The following PHF2 variants were observed in gnomAD, a reference collection of about 807,000 sequenced individuals.
The protein encoded by PHF2 is lysine-specific demethylase PHF2.
Under a neutral mutation model 120.5 loss-of-function variants are expected in PHF2, and 27 were observed. The ratio of observed to expected loss-of-function variants is 0.22; its 90% confidence interval spans 0.17 to 0.31. The LOEUF (loss-of-function observed/expected upper bound fraction) is 0.31. Among genes scored for constraint, PHF2 ranks in the 10% least tolerant of loss-of-function variants. The probability of loss-of-function intolerance (pLI) is 1.00; values close to 1 mark genes in which losing one functional copy is unlikely to be tolerated. For synonymous variants in PHF2, 568 were observed against 592.5 expected (o/e 0.96, Z 0.60); for missense variants, 1,024 against 1,434.8 (o/e 0.71, Z 4.63).
At position 93,576,745 on chromosome 9, in the gene PHF2, G is replaced by T. The variant is rs1862824247; in HGVS notation, c.-29G>T. The T allele has an allele frequency of 8.9e-7, 1 of 1,128,452 alleles. No individual in the cohort carries two copies. The highest frequency in any genetic ancestry group is 1.1e-6 in the Non-Finnish European group (1 of 891,332). The allele number at this position is 1,128,452 out of a possible 1,614,324, so 69.9% of individuals were successfully genotyped here. ...GGACCGACCCGGGCAGCGCAGCGGC[G>T]GGGCCGAGCGGCGGCGCGGCGCGGC... On this transcript the variant is annotated 5_prime_UTR_variant, in exon 1 of 22. Coordinates refer to ENST00000359246, the MANE Select transcript of PHF2 (RefSeq NM_005392.4).
chr9:93,589,156 G>C (rs1037762477), intron 1 of PHF2, among the ~76,000 whole-genome samples: 3 of 152,190 alleles, frequency 2.0e-5, no homozygotes, highest in African/African-American at 4.8e-5. Flanking sequence ...CTTCTACAAA[G>C]CAGCTGTCCC....
chr9:93,660,059 G>A, intron 11 of PHF2, 133 bp from the exon 12 acceptor site: 5 of 1,096,190 alleles, frequency 4.6e-6, no homozygotes, highest in Non-Finnish European at 6.4e-6. Flanking sequence ...ATGGTGTGGG[G>A]TAGCTGAGCC....
intron 3 of PHF2, among the ~76,000 whole-genome samples, chr9:93,639,394 A>G (rs141836560): frequency 2.2e-3 from 342 of 152,266 alleles, no homozygotes; most frequent in African/African-American, 7.7e-3. Flanking sequence ...TAGAAATACA[A>G]TTGATTTTTA....
chr9:93,679,396 G>T lies in PHF2; in HGVS notation c.*1720G>T. The T allele has an allele frequency of 2.9e-6, 1 of 350,380 alleles. No homozygotes were observed. The highest frequency in any genetic ancestry group is 5.6e-6 in the Non-Finnish European group (1 of 179,138). 21.7% of individuals were successfully genotyped at this position (350,380 alleles called of 1,614,324 possible). The stretch of plus-strand genomic sequence containing the variant: ...TATAATCTAACCTGGACATCAAGCT[G>T]TTCTCTCTCTCTCTTTTTTTTAATT... On this transcript the variant is annotated 3_prime_UTR_variant, in exon 22 of 22. Transcript: ENST00000359246.
intron 3 of PHF2, among the ~76,000 whole-genome samples, chr9:93,641,200 C>CCCATGT: frequency 6.6e-6 from 1 of 152,212 alleles, no homozygotes; most frequent in East Asian, 1.9e-4. Context: ...AAATGCTTTC[C>CCCATGT]CCATGTCCAG....
At chr9:93,590,148 C>T (rs114150377) in intron 1 of PHF2, among the ~76,000 whole-genome samples, 2 of 152,350 alleles carry the variant, frequency 1.3e-5, no homozygotes, top group African/African-American at 4.8e-5. Flanking sequence ...ACTGATTTCT[C>T]TACACACTGG....
intron 14 of PHF2, among the ~76,000 whole-genome samples, chr9:93,664,846 G>A (rs369962319): frequency 1.4e-4 from 21 of 152,364 alleles, no homozygotes; most frequent in Middle Eastern, 3.4e-3. Context: ...TGTGTTCTGC[G>A]GCCCAGCCCG....
At chr9:93,586,376 A>G (rs1219763106) in intron 1 of PHF2, among the ~76,000 whole-genome samples, 1 of 152,162 alleles carries the variant, frequency 6.6e-6, no homozygotes, top group Non-Finnish European at 1.5e-5. Context: ...AGGCAGGGAG[A>G]GGTTTTCTCC....
chr9:93,652,291 T>G (rs1226148081), intron 5 of PHF2, among the ~76,000 whole-genome samples: 1 of 48,984 alleles, frequency 2.0e-5, no homozygotes, highest in Non-Finnish European at 4.4e-5. Context: ...TGAGCTTGAC[T>G]TTTTTTTTTT....
chr9:93,659,735 T>C (rs951762009), intron 11 of PHF2, 135 bp downstream of exon 11: 1 of 758,546 alleles, frequency 1.3e-6, no homozygotes, highest in African/African-American at 1.7e-5. Flanking sequence ...TGGTCCTCCT[T>C]GCACTTTCCT....
At chr9:93,593,684 A>G (rs774315337) in intron 1 of PHF2, among the ~76,000 whole-genome samples, 4 of 152,246 alleles carry the variant, frequency 2.6e-5, no homozygotes, top group African/African-American at 4.8e-5. Context: ...GACTAGGCAA[A>G]TGACAGTGTC....
Position 93,620,326 on chromosome 9 carries a change from C to T in PHF2, c.99-9644C>T, listed in dbSNP as rs189655074. Among the ~76,000 whole-genome samples the T allele has an allele frequency of 2.6e-5, 4 of 152,326 alleles. No individual in the cohort carries two copies. In the East Asian group the frequency reaches 5.8e-4, roughly 22 times the overall value. ...GTCCTCATGGAGCCTCTGTCTGTGT[C>T]CTGGGATGCATCCCCACGCTGGGGC... On this transcript the variant is annotated intron_variant, in intron 1 of 21. Coordinates refer to ENST00000359246, the MANE Select transcript of PHF2 (RefSeq NM_005392.4).
chr9:93,628,321 T>G (rs1825946498), intron 1 of PHF2, among the ~76,000 whole-genome samples: 1 of 152,238 alleles, frequency 6.6e-6, no homozygotes, highest in Non-Finnish European at 1.5e-5. Flanking sequence ...TATTCTTCTT[T>G]AAATGTTTGA....
chr9:93,667,226 G>A lies in PHF2; in HGVS notation c.2334G>A (p.Glu778=). The change falls in exon 17 of 22, where the codon GAG becomes GAA. Residue 778 remains glutamate, a synonymous_variant. Transcript: ENST00000359246. ...LQASEEVGAL[E]YNPSSQPPAS... ...CCAGTGAGGAGGTTGGCGCGCTGGA[G>A]TACAACCCCAGCAGGTGGGCCCCAC... is the stretch of plus-strand genomic sequence containing the variant. 1 of 1,610,764 alleles carries A rather than the reference G, an allele frequency of 6.2e-7. No homozygotes were observed.
Position 93,656,068 on chromosome 9 carries a change from C to T in PHF2, c.1040+47C>T. The T allele has an allele frequency of 6.6e-7, 1 of 1,515,458 alleles. No homozygotes were observed. The highest frequency in any genetic ancestry group is 9.0e-7 in the Non-Finnish European group (1 of 1,105,202). The allele number at this position is 1,515,458 out of a possible 1,614,324, so 93.9% of individuals were successfully genotyped here. ...GCCCTCGGGCTCCGCAGAGCAGCGT[C>T]CTCCCTCTAGCTGGGTCGGTGCTAG... On this transcript the variant is annotated intron_variant, in intron 8 of 21. Coordinates refer to ENST00000359246, the MANE Select transcript of PHF2 (RefSeq NM_005392.4). This position sits in a 1 kb window ranked among gnomAD's most constrained non-coding sequence, Gnocchi z 4.1.
chr9:93,654,878 C>T (rs1241921529), intron 7 of PHF2, among the ~76,000 whole-genome samples: 5 of 152,200 alleles, frequency 3.3e-5, no homozygotes, highest in Non-Finnish European at 7.3e-5. Flanking sequence ...GCCAGTCACC[C>T]GCCTTCTCAT....
intron 3 of PHF2, among the ~76,000 whole-genome samples, chr9:93,642,685 C>T (rs1826189577): frequency 6.6e-6 from 1 of 152,128 alleles, no homozygotes. Flanking sequence ...TCTAGATGTA[C>T]ATTTGTTTTT....
intron 9 of PHF2, among the ~76,000 whole-genome samples, chr9:93,657,636 G>A (rs553267982): frequency 2.6e-4 from 40 of 152,318 alleles, no homozygotes; most frequent in Non-Finnish European, 4.7e-4. Flanking sequence ...GTCCTGGTGC[G>A]TCAGAGCCCT....
intron 16 of PHF2, among the ~76,000 whole-genome samples, chr9:93,666,657 C>T (rs576223912): frequency 2.6e-5 from 4 of 152,138 alleles, no homozygotes; most frequent in African/African-American, 4.8e-5. Context: ...ACTGGCTGGG[C>T]GCAGAGCTCA....
Sources: gnomAD v4.1 joint callset for allele counts (sites outside exome capture counted in the v4.1 genomes callset) on GRCh38, gnomAD v4.1.1 for gene constraint, Gnocchi (gnomAD v3.1) non-coding constraint, MANE v1.5 for transcripts, NCBI Gene and HGNC (gene_info 2026-07-23, HGNC 2026-07-21) for gene names.